NEBL: variants seen among roughly 807,000 people sequenced by gnomAD.
The protein encoded by NEBL is nebulette.
A neutral mutation model predicts 140.2 loss-of-function variants in NEBL; 122 were observed. The observed-to-expected ratio is 0.87, with a 90% CI of 0.75 to 1.01. The LOEUF (loss-of-function observed/expected upper bound fraction) is 1.01. NEBL is among the 50% of genes least tolerant of loss of function. The pLI, the probability that NEBL is intolerant of heterozygous loss-of-function variation, is 0.00. For synonymous variants in NEBL, 436 were observed against 398.9 expected, an observed-to-expected ratio of 1.09 and a Z score of -1.11; for missense variants, 1,365 against 1,231.3, an observed-to-expected ratio of 1.11 and a Z score of -1.62.
rs917371868 is a variant in NEBL, at chr10:20,868,893, A to G, written c.583-128T>C. The G allele has an allele frequency of 1.7e-5, 12 of 696,946 alleles. No homozygotes were observed. The African/African-American group carries it at 2.0e-4, about 11-fold the overall frequency. 43.2% of individuals were successfully genotyped at this position (696,946 alleles called of 1,614,324 possible). A position where few individuals can be genotyped will look rare whatever the true frequency, so the allele number is the denominator to read the frequency against. Reference sequence around the variant, plus strand: ...TAATATTCCTTACAACACATCAAACACTAAAATGTTGACTGCTAAAGCAGA... The same window carrying G: ...TAATATTCCTTACAACACATCAAACGCTAAAATGTTGACTGCTAAAGCAGA... On this transcript the variant is annotated intron_variant, in intron 6 of 27. Transcript: ENST00000377122.
intron 5 of NEBL, among the ~76,000 whole-genome samples, chr10:20,875,133 A>G (rs566357925): frequency 6.6e-6 from 1 of 152,272 alleles, no homozygotes; most frequent in Admixed American, 6.5e-5. Flanking sequence ...TTATCTCGCC[A>G]TATTCACTTT....
chr10:20,850,946 G>A (rs745879757), intron 10 of NEBL, among the ~76,000 whole-genome samples: 5 of 152,140 alleles, frequency 3.3e-5, no homozygotes, highest in South Asian at 2.1e-4. Flanking sequence ...TCTGTCAAAC[G>A]GAGGAGGATG....
intron 2 of NEBL, among the ~76,000 whole-genome samples, chr10:21,159,520 C>G (rs748808539): frequency 1.3e-5 from 2 of 152,172 alleles, no homozygotes. Flanking sequence ...CCAAATTAAG[C>G]GCAAAGCAGC....
chr10:20,797,216 T>C (rs1836637669), intron 26 of NEBL, among the ~76,000 whole-genome samples: 2 of 152,338 alleles, frequency 1.3e-5, no homozygotes, highest in Admixed American at 1.3e-4. Flanking sequence ...ATATGAAGAT[T>C]CATTACTCGA....
intron 2 of NEBL, among the ~76,000 whole-genome samples, chr10:21,085,677 A>C (rs1430859747): frequency 6.6e-6 from 1 of 152,164 alleles, no homozygotes; most frequent in East Asian, 1.9e-4. Flanking sequence ...ACATATATAC[A>C]AAAGCTCATT....
intron 20 of NEBL, chr10:20,819,166 G>T: frequency 1.2e-6 from 1 of 849,296 alleles, no homozygotes; most frequent in Non-Finnish European, 1.6e-6. Flanking sequence ...CATCACCCCG[G>T]CATTAAGCCC....
intron 3 of NEBL, among the ~76,000 whole-genome samples, chr10:21,185,044 C>A (rs1841443634): frequency 6.6e-6 from 1 of 152,204 alleles, no homozygotes; most frequent in Non-Finnish European, 1.5e-5. Flanking sequence ...CCATGTCTCC[C>A]CTGATCAGCC....
Position 20,785,421 on chromosome 10 carries a change from T to C in NEBL, c.*326A>G, listed in dbSNP as rs1183605969. On this transcript the variant is annotated 3_prime_UTR_variant, in exon 28 of 28. Transcript: ENST00000377122. ...TAAGAAGTTTCAAACACACACTACATTTAAGGGACAATCAACTTCTCTATT... is the reference window on the plus strand; with the variant it reads ...TAAGAAGTTTCAAACACACACTACACTTAAGGGACAATCAACTTCTCTATT... 2 of 352,802 alleles carry C rather than the reference T, an allele frequency of 5.7e-6. No homozygotes were observed. Among genetic ancestry groups the C allele is most frequent in the Non-Finnish European group, 1.1e-5 (2 of 185,694 alleles). 21.9% of individuals were successfully genotyped at this position (352,802 alleles called of 1,614,324 possible).
chr10:21,041,832 G>C (rs1729340782), intron 2 of NEBL, among the ~76,000 whole-genome samples: 1 of 152,164 alleles, frequency 6.6e-6, no homozygotes, highest in South Asian at 2.1e-4. Flanking sequence ...CCAGAACTGA[G>C]GGTTCCTCCC....
chr10:20,850,014 G>A (rs1398147682), intron 11 of NEBL, among the ~76,000 whole-genome samples: 3 of 151,794 alleles, frequency 2.0e-5, no homozygotes, highest in Non-Finnish European at 4.4e-5. Flanking sequence ...AAAAAAAGGG[G>A]GCCAGGTAAA....
chr10:20,889,713 T>A (rs1588952817), intron 3 of NEBL, 132 bp downstream of exon 3: 1 of 694,030 alleles, frequency 1.4e-6, no homozygotes, highest in Admixed American at 2.2e-5. Context: ...CATTAGATAA[T>A]TATGTAGCTA....
chr10:21,012,448 C>A (rs1275727047), intron 3 of NEBL, among the ~76,000 whole-genome samples: 1 of 152,164 alleles, frequency 6.6e-6, no homozygotes, highest in African/African-American at 2.4e-5. Flanking sequence ...CATCCTTGAA[C>A]CCCTGGCCTC....
Position 20,781,621 on chromosome 10 carries a change from G to T in NEBL, c.*4126C>A, listed in dbSNP as rs1021147760. The stretch of plus-strand genomic sequence containing the variant: ...CCTATGGCATTCCCAGGAATATACT[G>T]AAGTCATACAGACAACTGAGAAAAT... On this transcript the variant is annotated 3_prime_UTR_variant, in exon 28 of 28. Transcript: ENST00000377122. 7 of 152,302 alleles carry T rather than the reference G, an allele frequency of 4.6e-5. No individual in the cohort carries two copies. Among genetic ancestry groups the T allele is most frequent in the Non-Finnish European group, 7.4e-5 (5 of 68,014 alleles). The allele number at this position is 152,302 out of a possible 1,614,324, so 9.4% of individuals were successfully genotyped here.
intron 4 of NEBL, among the ~76,000 whole-genome samples, chr10:20,921,862 C>T (rs1485790618): frequency 1.3e-5 from 2 of 152,164 alleles, no homozygotes; most frequent in Non-Finnish European, 2.9e-5. Flanking sequence ...CATACATCCA[C>T]ACACTCACAT....
chr10:20,833,544 C>A (rs1840612028), intron 14 of NEBL, among the ~76,000 whole-genome samples: 1 of 151,912 alleles, frequency 6.6e-6, no homozygotes, highest in African/African-American at 2.4e-5. Flanking sequence ...GGAGACTTCA[C>A]CAGAGCCACG....
At position 21,147,173 on chromosome 10, in the gene NEBL, A is replaced by C. The variant is rs191970393; in HGVS notation, c.164+25210T>G. ...TGCGTTTAGGACTACATCCACGCAC[A>C]TCTTCCCCAAAGCAAAACCCCAACC... On this transcript the variant is annotated intron_variant, in intron 2 of 6. Coordinates refer to the NEBL transcript ENST00000417816. Among the ~76,000 whole-genome samples the C allele has an allele frequency of 3.9e-4, 60 of 152,264 alleles. No individual in the cohort carries two copies. In the East Asian group the frequency reaches 9.1e-3, roughly 23 times the overall value.
At chr10:20,945,670 G>C (rs755815497) in intron 4 of NEBL, among the ~76,000 whole-genome samples, 7 of 152,160 alleles carry the variant, frequency 4.6e-5, no homozygotes, top group Non-Finnish European at 8.8e-5. Flanking sequence ...TACTCACCAT[G>C]CAGATCCCAA....
intron 2 of NEBL, among the ~76,000 whole-genome samples, chr10:21,023,367 G>A (rs1386592346): frequency 2.6e-5 from 4 of 152,104 alleles, no homozygotes; most frequent in Non-Finnish European, 5.9e-5. Flanking sequence ...GGCATGCTTT[G>A]GGGAACAACC....
intron 2 of NEBL, among the ~76,000 whole-genome samples, chr10:21,041,736 T>C (rs1834275597): frequency 6.6e-6 from 1 of 152,214 alleles, no homozygotes; most frequent in Admixed American, 6.5e-5. Context: ...GCTGCTCGAC[T>C]GAGTATACTT....
Sources: allele counts gnomAD v4.1 joint callset (sites outside exome capture counted in the v4.1 genomes callset), GRCh38; gene constraint gnomAD v4.1.1; transcripts MANE v1.5; gene names NCBI Gene and HGNC (gene_info 2026-07-23, HGNC 2026-07-21).